ROR2: variants seen among roughly 807,000 people sequenced by gnomAD.
ROR2 encodes the protein ROR family WNT receptor 2.
Under a neutral mutation model 74.9 loss-of-function variants are expected in ROR2, and 33 were observed. That is an observed-to-expected ratio of 0.44 (90% confidence interval 0.33 to 0.59). The LOEUF is 0.59. ROR2 is among the 20% of genes least tolerant of loss of function. The pLI is 0.02. For synonymous variants in ROR2, 586 were observed against 558.7 expected, an observed-to-expected ratio of 1.05 and a Z score of -0.69; for missense variants, 1,216 against 1,313.8, an observed-to-expected ratio of 0.93 and a Z score of 1.15.
chr9:91,731,198 A>G (rs369502883), intron 6 of ROR2, 43 bp from the exon 7 acceptor site: 7 of 1,612,970 alleles, frequency 4.3e-6, no homozygotes, highest in Non-Finnish European at 5.9e-6. Context: ...GGGGTACAAC[A>G]AAACCATTCT....
rs988032431 is a variant in ROR2, at chr9:91,857,095, G to A, written c.98-81277C>T. ...GTGCCCATGCACACTTATGTGCAGTGTGGCAGAGAGGAGACTAGACCATGG... is the reference window on the plus strand; with the variant it reads ...GTGCCCATGCACACTTATGTGCAGTATGGCAGAGAGGAGACTAGACCATGG... On this transcript the variant is annotated intron_variant, in intron 1 of 8. Coordinates refer to ENST00000375708, the MANE Select transcript of ROR2 (RefSeq NM_004560.4). Among the ~76,000 whole-genome samples, 4 of 152,358 alleles carry A rather than the reference G, an allele frequency of 2.6e-5. No homozygotes were observed. The East Asian group carries it at 7.7e-4, about 29-fold the overall frequency.
At chr9:91,829,836 A>G (rs1828407944) in intron 1 of ROR2, among the ~76,000 whole-genome samples, 1 of 152,224 alleles carries the variant, frequency 6.6e-6, no homozygotes, top group South Asian at 2.1e-4. Context: ...CACACCCACA[A>G]TAAATATTTT....
intron 1 of ROR2, among the ~76,000 whole-genome samples, chr9:91,837,675 T>C (rs1828651211): frequency 6.6e-6 from 1 of 152,248 alleles, no homozygotes; most frequent in Admixed American, 6.5e-5. Flanking sequence ...TGTCTCATTT[T>C]CAAGATGTTT....
chr9:91,844,984 A>G (rs1220684059), intron 1 of ROR2, among the ~76,000 whole-genome samples: 1 of 152,208 alleles, frequency 6.6e-6, no homozygotes, highest in African/African-American at 2.4e-5. Flanking sequence ...AAAGATTGCC[A>G]GACAAAGCAA....
intron 1 of ROR2, among the ~76,000 whole-genome samples, chr9:91,795,838 CT>C (rs992981655): frequency 4.6e-5 from 7 of 152,170 alleles, no homozygotes; most frequent in Non-Finnish European, 1.0e-4. Context: ...ACAGGAACCT[CT>C]GTTATGGCAA....
At chr9:91,852,963 A>G (rs1422968515) in intron 1 of ROR2, among the ~76,000 whole-genome samples, 1 of 152,204 alleles carries the variant, frequency 6.6e-6, no homozygotes, top group Non-Finnish European at 1.5e-5. Flanking sequence ...CTCCCTCTTC[A>G]GCGCATGCTC....
Position 91,812,558 on chromosome 9 carries a change from G to A in ROR2, c.98-36740C>T, listed in dbSNP as rs1319695051. Among the ~76,000 whole-genome samples the A allele has an allele frequency of 1.1e-4, 15 of 137,706 alleles. No individual in the cohort carries two copies. The South Asian group carries it at 1.9e-3, about 17-fold the overall frequency. The allele number at this position is 137,706 out of a possible 152,430, so 90.3% of individuals were successfully genotyped here. On this transcript the variant is annotated intron_variant, in intron 1 of 8. Transcript: ENST00000375708. ...CACGTGTGTGTGGCCTGTCCTCCCCGCCCCACCCCCCCCACACACACGTGT... is the reference window on the plus strand; with the variant it reads ...CACGTGTGTGTGGCCTGTCCTCCCCACCCCACCCCCCCCACACACACGTGT...
intron 1 of ROR2, among the ~76,000 whole-genome samples, chr9:91,939,523 C>T (rs1329906094): frequency 6.6e-6 from 1 of 151,958 alleles, no homozygotes; most frequent in Non-Finnish European, 1.5e-5. Flanking sequence ...ACCTTTTGTC[C>T]CTCGTTTAAC....
intron 1 of ROR2, among the ~76,000 whole-genome samples, chr9:91,885,033 CTG>C (rs1202630953): frequency 6.6e-6 from 1 of 152,184 alleles, no homozygotes; most frequent in East Asian, 1.9e-4. Context: ...GCTAACAAGC[CTG>C]TGTGTGGCTC....
chr9:91,813,955 G>A (rs575402448), intron 1 of ROR2, among the ~76,000 whole-genome samples: 2 of 152,340 alleles, frequency 1.3e-5, no homozygotes, highest in African/African-American at 4.8e-5. Context: ...TGGCACTGAA[G>A]TATAATCCTG....
At chr9:91,804,944 C>T (rs1234565898) in intron 1 of ROR2, among the ~76,000 whole-genome samples, 2 of 152,206 alleles carry the variant, frequency 1.3e-5, no homozygotes, top group East Asian at 3.8e-4. Context: ...AAAGCTAAAA[C>T]CAAAATGCTT....
intron 1 of ROR2, among the ~76,000 whole-genome samples, chr9:91,896,787 T>C (rs1007637090): frequency 6.6e-6 from 1 of 152,206 alleles, no homozygotes; most frequent in African/African-American, 2.4e-5. Flanking sequence ...TGTCCAAACC[T>C]GCATTTTTCT....
At chr9:91,735,083 C>T (rs1376917795) in intron 5 of ROR2, among the ~76,000 whole-genome samples, 1 of 152,212 alleles carries the variant, frequency 6.6e-6, no homozygotes, top group African/African-American at 2.4e-5. Flanking sequence ...GCTGTCACTT[C>T]TCTTGGGCTA....
intron 1 of ROR2, among the ~76,000 whole-genome samples, chr9:91,857,644 G>A (rs1829337968): frequency 6.6e-6 from 1 of 152,086 alleles, no homozygotes; most frequent in Middle Eastern, 3.2e-3. Flanking sequence ...ACGAGGGGGT[G>A]GCAAGCCCGG....
At chr9:91,806,788 A>C (rs183847195) in intron 1 of ROR2, among the ~76,000 whole-genome samples, 3,160 of 152,032 alleles carry the variant, frequency 0.021, 116 homozygotes, top group African/African-American at 0.073. Context: ...ACGGGGTTTC[A>C]CCGTGTTAGC....
intron 1 of ROR2, among the ~76,000 whole-genome samples, chr9:91,812,082 A>T (rs954612512): frequency 1.3e-5 from 2 of 150,524 alleles, no homozygotes; most frequent in Non-Finnish European, 3.0e-5. Context: ...AAAAAATCTT[A>T]TACTGTTTTA....
intron 1 of ROR2, among the ~76,000 whole-genome samples, chr9:91,836,207 G>T (rs901540779): frequency 1.3e-5 from 2 of 152,052 alleles, no homozygotes; most frequent in African/African-American, 4.8e-5. Context: ...TGTTTTTATT[G>T]TCGTATGGCA....
At chr9:91,856,806 TC>T (rs1829304989) in intron 1 of ROR2, among the ~76,000 whole-genome samples, 1 of 152,196 alleles carries the variant, frequency 6.6e-6, no homozygotes. Context: ...CAATGGCAAT[TC>T]CCAACATGCA....
At chr9:91,734,153 G>C (rs182181834) in intron 5 of ROR2, among the ~76,000 whole-genome samples, 1 of 152,278 alleles carries the variant, frequency 6.6e-6, no homozygotes, top group African/African-American at 2.4e-5. Flanking sequence ...GAACAAAGTG[G>C]GGGTGTTGGG....
Sources: allele counts gnomAD v4.1 joint callset (sites outside exome capture counted in the v4.1 genomes callset), GRCh38; gene constraint gnomAD v4.1.1; transcripts MANE v1.5; gene names NCBI Gene and HGNC (gene_info 2026-07-23, HGNC 2026-07-21).